The following TATDN1 variants were observed in gnomAD, a reference collection of about 807,000 sequenced individuals.
The protein encoded by TATDN1 is deoxyribonuclease TATDN1.
TATDN1 carries 40 observed loss-of-function variants against 46.4 expected under a neutral mutation model. The observed-to-expected ratio is 0.86, with a 90% CI of 0.67 to 1.12. The LOEUF (loss-of-function observed/expected upper bound fraction) is 1.12, where lower values mean the gene tolerates loss of function less well. TATDN1 is among the 50% of genes most tolerant of loss of function. The pLI is 0.00. For missense variants in TATDN1, 326 were observed against 348.4 expected (o/e 0.94, Z 0.51); for synonymous variants, 95 against 105.6 (o/e 0.90, Z 0.62).
chr8:124,506,334 C>CAAAAAAAAAAAAAAAAAAAAAAA (rs56023168), intron 8 of TATDN1, among the ~76,000 whole-genome samples: 1 of 52,524 alleles, frequency 1.9e-5, no homozygotes, highest in Non-Finnish European at 3.7e-5. Context: ...GGCTCTGTCT[C>CAAAAAAAAAAAAAAAAAAAAAAA]AAAAAAAAAA....
chr8:124,506,358 A>T (rs561083223), intron 8 of TATDN1, among the ~76,000 whole-genome samples: 2 of 146,646 alleles, frequency 1.4e-5, no homozygotes, highest in Non-Finnish European at 1.5e-5. Context: ...AAAAAAAAAG[A>T]AAAAGAAAAA....
intron 1 of TATDN1, among the ~76,000 whole-genome samples, chr8:124,533,730 GT>G (rs1455559696): frequency 6.6e-6 from 1 of 152,000 alleles, no homozygotes; most frequent in Admixed American, 6.6e-5. Flanking sequence ...AGTTTTTCAT[GT>G]TTTTCTGGGG....
At chr8:124,536,398 T>C (rs1290174379) in intron 1 of TATDN1, among the ~76,000 whole-genome samples, 1 of 151,986 alleles carries the variant, frequency 6.6e-6, no homozygotes, top group Non-Finnish European at 1.5e-5. Context: ...CAAAAAAAAA[T>C]TAGCCTGGTA....
chr8:124,526,617 T>C (rs1282758069), intron 1 of TATDN1: 1 of 152,256 alleles, frequency 6.6e-6, no homozygotes. Flanking sequence ...GTAATGTTTC[T>C]TTTTCATTAA....
intron 1 of TATDN1, among the ~76,000 whole-genome samples, chr8:124,537,962 T>C (rs180691050): frequency 1.3e-5 from 2 of 152,124 alleles, no homozygotes; most frequent in African/African-American, 4.8e-5. Context: ...AAAAAAATAC[T>C]GCTTAAATAA....
intron 1 of TATDN1, among the ~76,000 whole-genome samples, chr8:124,530,845 A>AT (rs1820891277): frequency 6.6e-6 from 1 of 152,164 alleles, no homozygotes; most frequent in Admixed American, 6.5e-5. Flanking sequence ...AAAGCAGTTT[A>AT]TGTTGACTAT....
rs1818739314 is a variant in TATDN1, at chr8:124,508,744, A to G, written c.390-56T>C. ...TACAAATTGTATTTTAGCATGAGGA[A>G]GGTAATGATGTCAAAAGAGCTTTTA... On this transcript the variant is annotated intron_variant, in intron 6 of 11. Transcript: ENST00000276692. 3 of 1,130,606 alleles carry G rather than the reference A, an allele frequency of 2.7e-6. No homozygotes were observed. In the East Asian group the frequency reaches 7.7e-5, roughly 29 times the overall value. 70.0% of individuals were successfully genotyped at this position (1,130,606 alleles called of 1,614,324 possible). A position where few individuals can be genotyped will look rare whatever the true frequency, so the allele number is the denominator to read the frequency against.
At chr8:124,521,093 TTAAG>T (rs1282087306) in intron 3 of TATDN1, among the ~76,000 whole-genome samples, 1 of 152,176 alleles carries the variant, frequency 6.6e-6, no homozygotes, top group Non-Finnish European at 1.5e-5. Flanking sequence ...ACTCTATTAA[TTAAG>T]TACTATTATC....
intron 8 of TATDN1, among the ~76,000 whole-genome samples, chr8:124,507,008 A>G (rs1319986548): frequency 6.6e-6 from 1 of 152,086 alleles, no homozygotes; most frequent in East Asian, 1.9e-4. Context: ...CTAAAAATAC[A>G]AAAATTAGCT....
Position 124,518,878 on chromosome 8 carries a change from T to C in TATDN1, c.142A>G (p.Met48Val). ...RAVEIGVKKF[M>V]ITGGNLQDSK... ...TCTTGTAGATTTCCACCTGTAATCA[T>C]AAACTGAAATAGAAAGAAAATAAAA... Residue 48 changes from methionine to valine, a missense_variant, in exon 4 of 12, where the codon ATG becomes GTG. Met to Val is a conservative substitution (Grantham distance 21). Transcript: ENST00000276692. 1 of 1,603,990 alleles carries C rather than the reference T, an allele frequency of 6.2e-7. No individual in the cohort carries two copies.
intron 1 of TATDN1, among the ~76,000 whole-genome samples, chr8:124,530,153 G>A (rs1201197132): frequency 1.3e-5 from 2 of 152,058 alleles, no homozygotes; most frequent in East Asian, 3.8e-4. Flanking sequence ...GGTAAAGAAT[G>A]GGTTTCCAAT....
chr8:124,505,689 T>C (rs1023708562), intron 8 of TATDN1, among the ~76,000 whole-genome samples: 20 of 151,886 alleles, frequency 1.3e-4, no homozygotes, highest in African/African-American at 4.8e-4. Flanking sequence ...AAAAACAACA[T>C]ATAACAACAG....
At chr8:124,535,553 G>C (rs897860903) in intron 1 of TATDN1, among the ~76,000 whole-genome samples, 1 of 152,180 alleles carries the variant, frequency 6.6e-6, no homozygotes, top group South Asian at 2.1e-4. Context: ...TCCTGAAATG[G>C]AAAGGTGGAG....
chr8:124,503,464 C>T (rs1306153729), intron 9 of TATDN1, among the ~76,000 whole-genome samples: 2 of 152,014 alleles, frequency 1.3e-5, no homozygotes, highest in Non-Finnish European at 2.9e-5. Flanking sequence ...GTTAATTAAA[C>T]CATTAATTTA....
chr8:124,500,419 G>C (rs1022268746), intron 9 of TATDN1, among the ~76,000 whole-genome samples: 1 of 152,084 alleles, frequency 6.6e-6, no homozygotes, highest in African/African-American at 2.4e-5. Flanking sequence ...AAATATCTAA[G>C]ACAGGAGCCA....
At chr8:124,512,188 C>T (rs189442053) in intron 6 of TATDN1, among the ~76,000 whole-genome samples, 24 of 152,184 alleles carry the variant, frequency 1.6e-4, no homozygotes, top group Admixed American at 3.9e-4. Context: ...TTTGGGAGGC[C>T]GTGGTGGGCG....
At chr8:124,507,793 A>AC (rs1045301406) in intron 8 of TATDN1, among the ~76,000 whole-genome samples, 2 of 151,884 alleles carry the variant, frequency 1.3e-5, no homozygotes, top group South Asian at 2.1e-4. Flanking sequence ...CCAAAAAAAA[A>AC]AAAAAACAAA....
intron 1 of TATDN1, among the ~76,000 whole-genome samples, chr8:124,531,520 A>G (rs1229385871): frequency 6.6e-6 from 1 of 152,220 alleles, no homozygotes; most frequent in Admixed American, 6.5e-5. Flanking sequence ...TGTGGAATTC[A>G]GTGGGAACAC....
chr8:124,508,510 T>C lies in TATDN1; in HGVS notation c.480A>G (p.Ile160Met). The C allele has an allele frequency of 6.2e-7, 1 of 1,613,294 alleles. No individual in the cohort carries two copies. The highest frequency in any genetic ancestry group is 8.5e-7 in the Non-Finnish European group (1 of 1,179,488). The change falls in exon 8 of 12, where the codon ATA becomes ATG. Residue 160 changes from isoleucine to methionine, a missense_variant. Coordinates refer to ENST00000276692, the MANE Select transcript of TATDN1 (RefSeq NM_032026.4). ...CRNSHAEFLD[I>M]MKRNRDRCVG... The stretch of plus-strand genomic sequence containing the variant: ...CACACCGATCTCTATTTCTTTTCAT[T>C]ATGTCTGTGAATTAAAAACAAAGAA...
Sources: allele counts gnomAD v4.1 joint callset (sites outside exome capture counted in the v4.1 genomes callset), GRCh38; gene constraint gnomAD v4.1.1; transcripts MANE v1.5; gene names NCBI Gene and HGNC (gene_info 2026-07-23, HGNC 2026-07-21).